Variants in PALS1 observed in about 807,000 individuals in gnomAD.
PALS1 encodes the protein protein associated with LIN7 1, MAGUK p55 family member.
A neutral mutation model predicts 78.9 loss-of-function variants in PALS1; 31 were observed. The observed-to-expected ratio is 0.39, with a 90% CI of 0.30 to 0.53. The LOEUF is 0.53. PALS1 is among the 20% of genes least tolerant of loss of function. PALS1 has a pLI of 0.67. For synonymous variants in PALS1, 276 were observed against 270.9 expected (o/e 1.02, Z -0.18); for missense variants, 704 against 826.5 (o/e 0.85, Z 1.82).
At chr14:67,297,893 T>C (rs1566560037) in intron 4 of PALS1, among the ~76,000 whole-genome samples, 2 of 152,220 alleles carry the variant, frequency 1.3e-5, no homozygotes, top group Non-Finnish European at 2.9e-5. Context: ...AATAGCCCTA[T>C]TGATAATTTT....
chr14:67,328,551 C>T (rs1347198551), intron 14 of PALS1, among the ~76,000 whole-genome samples: 1 of 152,132 alleles, frequency 6.6e-6, no homozygotes, highest in Admixed American at 6.5e-5. Flanking sequence ...AAGTCCTTGC[C>T]CATGCCTATG....
intron 3 of PALS1, among the ~76,000 whole-genome samples, chr14:67,284,640 G>T (rs999907896): frequency 2.9e-4 from 41 of 143,236 alleles, no homozygotes; most frequent in Middle Eastern, 4.1e-3. Flanking sequence ...CCCATTAATG[G>T]TCACTCCCTA....
chr14:67,281,812 T>A (rs1428976402), intron 3 of PALS1, among the ~76,000 whole-genome samples: 1 of 150,172 alleles, frequency 6.7e-6, no homozygotes, highest in Non-Finnish European at 1.5e-5. Context: ...TTCTCTTAAT[T>A]TTTTTTTTTT....
chr14:67,296,278 T>TA (rs1168497295), intron 4 of PALS1, among the ~76,000 whole-genome samples: 3 of 152,152 alleles, frequency 2.0e-5, no homozygotes, highest in Non-Finnish European at 2.9e-5. Flanking sequence ...TCTTGAATGC[T>TA]AAGTAAGCAT....
intron 1 of PALS1, among the ~76,000 whole-genome samples, chr14:67,258,903 G>A (rs2084186236): frequency 6.6e-6 from 1 of 152,094 alleles, no homozygotes; most frequent in Admixed American, 6.5e-5. Context: ...GTGCAGTGGT[G>A]TGATCTCTGC....
intron 2 of PALS1, chr14:67,271,432 G>A (rs2084405401): frequency 1.3e-5 from 2 of 152,210 alleles, no homozygotes. Context: ...TTCAGAGATG[G>A]GTCAGCCTGG....
At chr14:67,246,617 A>T (rs2083991242) in intron 1 of PALS1, among the ~76,000 whole-genome samples, 1 of 148,616 alleles carries the variant, frequency 6.7e-6, no homozygotes, top group African/African-American at 2.5e-5. Flanking sequence ...CTAGGATTAC[A>T]GGTGTTAGCC....
chr14:67,279,234 G>C lies in PALS1; in HGVS notation c.64G>C (p.Asp22His). ...EESDSEVKNV[D>H]LASPEEHQKH... ...ATCAGACAGCGAAGTAAAAAATGTT[G>C]ATCTTGCATCACCAGAGGAACATCA... is the stretch of plus-strand genomic sequence containing the variant. Residue 22 changes from aspartate (D) to histidine (H), a missense_variant, in exon 3 of 15, where the codon GAT becomes CAT. Coordinates refer to ENST00000261681, the MANE Select transcript of PALS1 (RefSeq NM_022474.4). 6.2e-7 allele frequency: 1 copy of C among 1,612,920 alleles called. No homozygotes were observed. The highest frequency in any genetic ancestry group is 1.1e-5 in the South Asian group (1 of 90,956).
intron 14 of PALS1, among the ~76,000 whole-genome samples, chr14:67,327,428 C>T (rs972997964): frequency 2.6e-5 from 4 of 151,188 alleles, no homozygotes; most frequent in African/African-American, 4.9e-5. Context: ...CCAAGGAGGA[C>T]GGATCACTTT....
intron 3 of PALS1, among the ~76,000 whole-genome samples, chr14:67,281,109 G>A (rs1356201207): frequency 6.6e-6 from 1 of 151,846 alleles, no homozygotes; most frequent in Non-Finnish European, 1.5e-5. Flanking sequence ...ATGTTGGTCA[G>A]GCTGGTCTTC....
chr14:67,304,548 C>T (rs944038489), intron 8 of PALS1, among the ~76,000 whole-genome samples: 11 of 152,248 alleles, frequency 7.2e-5, no homozygotes, highest in South Asian at 2.1e-4. Flanking sequence ...CACAAAAGGC[C>T]ATATATTGGT....
At chr14:67,304,840 T>C (rs1459984941) in intron 8 of PALS1, among the ~76,000 whole-genome samples, 1 of 152,210 alleles carries the variant, frequency 6.6e-6, no homozygotes, top group Non-Finnish European at 1.5e-5. Context: ...TGAATTAACA[T>C]GGAAGCTTGA....
chr14:67,242,359 AAG>A (rs2083918698), intron 1 of PALS1, among the ~76,000 whole-genome samples: 1 of 152,214 alleles, frequency 6.6e-6, no homozygotes, highest in African/African-American at 2.4e-5. Flanking sequence ...TTAGAATAGT[AAG>A]AATTTAGATT....
At chr14:67,291,284 A>G (rs1566553822) in intron 3 of PALS1, among the ~76,000 whole-genome samples, 1 of 151,050 alleles carries the variant, frequency 6.6e-6, no homozygotes, top group Non-Finnish European at 1.5e-5. Flanking sequence ...GCTAGAATGC[A>G]ATGGTGTGAT....
chr14:67,286,052 A>G (rs1325884480), intron 3 of PALS1, among the ~76,000 whole-genome samples: 17 of 152,240 alleles, frequency 1.1e-4, no homozygotes, highest in Non-Finnish European at 1.5e-5. Flanking sequence ...GTAAGAGGAA[A>G]TAGCTCCACC....
At chr14:67,308,582 G>T (rs112672705) in intron 8 of PALS1, among the ~76,000 whole-genome samples, 57 of 124,546 alleles carry the variant, frequency 4.6e-4, no homozygotes, top group African/African-American at 1.7e-3. Flanking sequence ...GTTTCACTCT[G>T]TTGTCCAGGC....
intron 3 of PALS1, among the ~76,000 whole-genome samples, chr14:67,283,340 T>C (rs2084630626): frequency 6.6e-6 from 1 of 152,208 alleles, no homozygotes; most frequent in Non-Finnish European, 1.5e-5. Context: ...AAATAGCTCT[T>C]TCAGATTTCA....
At chr14:67,289,021 C>G (rs1303539080) in intron 3 of PALS1, among the ~76,000 whole-genome samples, 1 of 138,562 alleles carries the variant, frequency 7.2e-6, no homozygotes, top group African/African-American at 2.7e-5. Flanking sequence ...GGCTAGAGTG[C>G]AGTGGCGTGA....
rs1340112421 is a variant in PALS1 at position 67,307,436 on chromosome 14, T to C, written c.1041+3837T>C. Among the ~76,000 whole-genome samples, 14 of 152,298 alleles carry C rather than the reference T, an allele frequency of 9.2e-5. No individual in the cohort carries two copies. In the Middle Eastern group the frequency reaches 0.017, roughly 185 times the overall value. On this transcript the variant is annotated intron_variant, in intron 8 of 14. Coordinates refer to ENST00000261681, the MANE Select transcript of PALS1 (RefSeq NM_022474.4). ...ATCACATCGCTTATTAGTTACAGAA[T>C]ATGTACCAGAAAATTAACAGATTAT... is the stretch of plus-strand genomic sequence containing the variant.
Sources: allele counts gnomAD v4.1 joint callset (sites outside exome capture counted in the v4.1 genomes callset), GRCh38; gene constraint gnomAD v4.1.1; transcripts MANE v1.5; gene names NCBI Gene and HGNC (gene_info 2026-07-23, HGNC 2026-07-21).